UNC13A: variants seen among roughly 807,000 people sequenced by gnomAD.
The protein encoded by UNC13A is unc-13 homolog A, also known as protein unc-13 homolog A.
Under a neutral mutation model 219.7 loss-of-function variants are expected in UNC13A, and 61 were observed. That is an observed-to-expected ratio of 0.28 (90% confidence interval 0.23 to 0.34). The LOEUF is 0.34. Ranked by LOEUF, UNC13A falls within the 10% of genes least tolerant of loss-of-function variation. The pLI is 1.00. For missense variants in UNC13A, 1,476 were observed against 2,270.3 expected (o/e 0.65, Z 7.11); for synonymous variants, 920 against 884.6 (o/e 1.04, Z -0.71).
intron 20 of UNC13A, 149 bp downstream of exon 20, chr19:17,642,696 G>C: frequency 1.5e-6 from 1 of 670,584 alleles, no homozygotes; most frequent in Non-Finnish European, 2.5e-6. Flanking sequence ...TGATGGATAG[G>C]GAGGAGTTTT....
chr19:17,660,991 T>A (rs974089090), intron 8 of UNC13A, among the ~76,000 whole-genome samples: 1 of 151,940 alleles, frequency 6.6e-6, no homozygotes, highest in Non-Finnish European at 1.5e-5. Context: ...TAGGCTAAAG[T>A]CTAGTAGCAC....
Position 17,636,251 on chromosome 19 carries a change from G to A in UNC13A, c.3082-94C>T. 4 of 1,393,456 alleles carry A rather than the reference G, an allele frequency of 2.9e-6. No individual in the cohort carries two copies. The South Asian group carries it at 5.9e-5, about 20-fold the overall frequency. The allele number at this position is 1,393,456 out of a possible 1,614,324, so 86.3% of individuals were successfully genotyped here. A position where few individuals can be genotyped will look rare whatever the true frequency, so the allele number is the denominator to read the frequency against. ...GAAGAACAAGAGGTTTTAGAGGAAT[G>A]CATCCCATCATCATGTGTATGGTTC... On this transcript the variant is annotated intron_variant, in intron 25 of 43. Transcript: ENST00000519716.
intron 7 of UNC13A, 113 bp downstream of exon 7, chr19:17,666,537 A>G: frequency 1.3e-6 from 1 of 746,712 alleles, no homozygotes; most frequent in African/African-American, 1.8e-5. Flanking sequence ...TGGACACTGC[A>G]CTCTCAGGAC....
At chr19:17,642,032 A>ACATCCATC (rs56041637) in intron 20 of UNC13A, among the ~76,000 whole-genome samples, 30,993 of 150,298 alleles carry the variant, frequency 0.21, 3,734 homozygotes, top group African/African-American at 0.32. Flanking sequence ...ATCTGCCTAT[A>ACATCCATC]CATCCATCCA....
Position 17,640,450 on chromosome 19 carries a change from G to C in UNC13A, c.2787+61C>G, listed in dbSNP as rs181040943. On this transcript the variant is annotated intron_variant, in intron 22 of 43. Coordinates refer to ENST00000519716, the MANE Select transcript of UNC13A (RefSeq NM_001080421.3). ...GACTGGGGACCCAGAAGTCACATCA[G>C]ATCTGACCGGCATAAAGTTGGGCTC... The C allele has an allele frequency of 7.5e-4, 1,129 of 1,511,184 alleles. 6 individuals carry two copies. The highest frequency in any genetic ancestry group is 2.8e-4 in the Non-Finnish European group (319 of 1,127,318). The allele number at this position is 1,511,184 out of a possible 1,614,324, so 93.6% of individuals were successfully genotyped here. A position where few individuals can be genotyped will look rare whatever the true frequency, so the allele number is the denominator to read the frequency against.
At chr19:17,663,375 G>A (rs901534684) in intron 8 of UNC13A, among the ~76,000 whole-genome samples, 157 bp downstream of exon 8, 52 of 140,508 alleles carry the variant, frequency 3.7e-4, no homozygotes, top group African/African-American at 1.2e-3. Flanking sequence ...ACAGGGTACA[G>A]GAAAGCTTGA....
At chr19:17,617,161 GT>G (rs1417809649) in intron 41 of UNC13A, among the ~76,000 whole-genome samples, 1 of 151,966 alleles carries the variant, frequency 6.6e-6, no homozygotes, top group East Asian at 1.9e-4. Flanking sequence ...TGACGTCAAA[GT>G]TCCCACCCAT....
chr19:17,634,420 C>G (rs779057434), intron 26 of UNC13A, among the ~76,000 whole-genome samples: 1 of 152,000 alleles, frequency 6.6e-6, no homozygotes, highest in Non-Finnish European at 1.5e-5. Context: ...CTCACTGCAA[C>G]CTCCACCACC....
In UNC13A at chr19:17,656,271, C is replaced by G. The variant is rs2079451593; in HGVS notation, c.895G>C (p.Asp299His). The G allele has an allele frequency of 6.4e-7, 1 of 1,551,860 alleles. No homozygotes were observed. Among genetic ancestry groups the G allele is most frequent in the African/African-American group, 1.4e-5 (1 of 73,154 alleles). The part of the protein sequence containing the change: ...GSDMEDERDR[D>H]SYHSCHSSVS... Reference sequence around the variant, plus strand: ...GAGCTGTGGCAGGAGTGGTAGGAGTCCCGGTCCCGCTCATCCTCCATGTCG... The same window carrying G: ...GAGCTGTGGCAGGAGTGGTAGGAGTGCCGGTCCCGCTCATCCTCCATGTCG... Residue 299 changes from aspartate (D) to histidine (H), a missense_variant, in exon 10 of 44, where the codon GAC becomes CAC. Physicochemically the swap from Asp to His is moderately conservative, Grantham distance 81 (BLOSUM62 -1). Around this residue, in one of 14 missense-constraint regions of UNC13A, gnomAD observed 351 missense variants for 342.6 expected, o/e 1.02. Coordinates refer to ENST00000519716, the MANE Select transcript of UNC13A (RefSeq NM_001080421.3).
intron 41 of UNC13A, among the ~76,000 whole-genome samples, chr19:17,613,088 C>T (rs34293551): frequency 0.015 from 2,243 of 152,038 alleles, 30 homozygotes; most frequent in Non-Finnish European, 0.023. Context: ...AAAAATTAGC[C>T]GGGTGTGGTA....
At chr19:17,624,187 C>T (rs2076758927) in intron 35 of UNC13A, among the ~76,000 whole-genome samples, 1 of 147,440 alleles carries the variant, frequency 6.8e-6, no homozygotes, top group African/African-American at 2.6e-5. Context: ...TGTGCAGTGG[C>T]GCCATCTCAG....
chr19:17,648,224 A>T (rs1427419696), intron 16 of UNC13A, among the ~76,000 whole-genome samples: 2 of 98,124 alleles, frequency 2.0e-5, no homozygotes, highest in Non-Finnish European at 4.1e-5. Context: ...CCACCCCTCG[A>T]CCCCCTAGCC....
At chr19:17,647,569 C>T in intron 16 of UNC13A, 77 bp from the exon 17 acceptor site, 1 of 1,426,398 alleles carries the variant, frequency 7.0e-7, no homozygotes, top group Non-Finnish European at 9.6e-7. Flanking sequence ...AGCCCCGCCC[C>T]TACTCATCAA....
intron 6 of UNC13A, among the ~76,000 whole-genome samples, chr19:17,667,049 C>T (rs974093013): frequency 3.3e-5 from 5 of 152,020 alleles, no homozygotes; most frequent in Admixed American, 6.6e-5. Context: ...GTCAAGAGAT[C>T]GAGACCATCC....
Position 17,605,818 on chromosome 19 carries a change from G to A in UNC13A, c.*236C>T, listed in dbSNP as rs1308055926. The A allele has an allele frequency of 1.3e-5, 6 of 451,606 alleles. No individual in the cohort carries two copies. Among genetic ancestry groups the A allele is most frequent in the Non-Finnish European group, 1.9e-5 (5 of 261,366 alleles). The allele number at this position is 451,606 out of a possible 1,614,324, so 28.0% of individuals were successfully genotyped here. On this transcript the variant is annotated 3_prime_UTR_variant, in exon 44 of 44. Coordinates refer to ENST00000519716, the MANE Select transcript of UNC13A (RefSeq NM_001080421.3). ...TGCTGGGGGCGTGGCCTCAAGTTGGGGATGTGGCTCCTTCCTTCGTCGCGC... is the reference window on the plus strand; with the variant it reads ...TGCTGGGGGCGTGGCCTCAAGTTGGAGATGTGGCTCCTTCCTTCGTCGCGC...
intron 1 of UNC13A, among the ~76,000 whole-genome samples, chr19:17,687,186 G>A (rs916422777): frequency 4.6e-5 from 7 of 152,164 alleles, no homozygotes; most frequent in Non-Finnish European, 8.8e-5. Flanking sequence ...AGCCATAAAG[G>A]TGTGGGGTGG....
chr19:17,606,161 G>C lies in UNC13A; in HGVS notation c.5005C>G (p.Leu1669Val). The change falls in exon 44 of 44, where the codon CTG becomes GTG. Residue 1669 changes from leucine (L) to valine (V), a missense_variant. This residue lies in a region of UNC13A where 187 missense variants were observed against 172.3 expected (regional missense o/e 1.09). Coordinates refer to ENST00000519716, the MANE Select transcript of UNC13A (RefSeq NM_001080421.3). ...TTGCTGCGCTGCGAGAGGATTCGCA[G>C]CACCGTGAGGCCCGTGTCGTCCATG... ...IHMDDTGLTVLRILSQRSNDE... is the reference protein window; with the variant it reads ...IHMDDTGLTVVRILSQRSNDE... 1 of 1,579,038 alleles carries C rather than the reference G, an allele frequency of 6.3e-7. No individual in the cohort carries two copies. The highest frequency in any genetic ancestry group is 8.6e-7 in the Non-Finnish European group (1 of 1,164,318).
rs1279285482 is a variant in UNC13A, at chr19:17,606,325, C to G, written c.4841G>C (p.Cys1614Ser). The G allele has an allele frequency of 1.9e-6, 3 of 1,548,138 alleles. No homozygotes were observed. Among genetic ancestry groups the G allele is most frequent in the Non-Finnish European group, 2.6e-6 (3 of 1,147,584 alleles). ...CTTGACGCACACCTGCAGCTCATAG[C>G]ACTCGGGACCCGCGTCGGCGCTCAG... is the stretch of plus-strand genomic sequence containing the variant. ...FTLSADAGPE[C>S]YELQVCVKDY... is the part of the protein sequence containing the mutation. The change falls in exon 44 of 44, where the codon TGC becomes TCC. Residue 1614 changes from cysteine (C) to serine (S), a missense_variant. Physicochemically the swap from Cys to Ser is moderately radical, Grantham distance 112. Coordinates refer to ENST00000519716, the MANE Select transcript of UNC13A (RefSeq NM_001080421.3).
chr19:17,637,720 C>A (rs62121686), intron 25 of UNC13A, among the ~76,000 whole-genome samples: 19,555 of 151,238 alleles, frequency 0.13, 1,378 homozygotes, highest in Middle Eastern at 0.17. Flanking sequence ...GAGAGTGAGA[C>A]TGATTCCAAC....
Sources: gnomAD v4.1 joint callset for allele counts (sites outside exome capture counted in the v4.1 genomes callset) on GRCh38, gnomAD v4.1.1 for gene constraint, gnomAD v4.1.1 regional missense constraint, MANE v1.5 for transcripts, NCBI Gene and HGNC (gene_info 2026-07-23, HGNC 2026-07-21) for gene names.